Variants in TRAF7 observed in about 807,000 individuals in gnomAD.
TRAF7 encodes the protein E3 ubiquitin-protein ligase TRAF7.
In TRAF7, 45 loss-of-function variants were observed where a neutral mutation model predicts 89.3. The observed-to-expected ratio is 0.50, with a 90% confidence interval of 0.40 to 0.65. The LOEUF is 0.65. Ranked by LOEUF, TRAF7 falls within the 30% of genes least tolerant of loss-of-function variation. The pLI, the probability that TRAF7 is intolerant of heterozygous loss-of-function variation, is 0.00. For missense variants in TRAF7, 677 were observed against 918.1 expected (o/e 0.74, Z 3.39); for synonymous variants, 406 against 369.2 (o/e 1.10, Z -1.14).
At chr16:2,160,219 G>A (rs2093051995) in intron 1 of TRAF7, among the ~76,000 whole-genome samples, 1 of 152,062 alleles carries the variant, frequency 6.6e-6, no homozygotes, top group Non-Finnish European at 1.5e-5. Flanking sequence ...TCAGGGAGGG[G>A]CTGCCCTGCG....
chr16:2,173,713 G>A (rs887407867), intron 11 of TRAF7, 75 bp from the exon 12 acceptor site: 42 of 1,591,840 alleles, frequency 2.6e-5, no homozygotes, highest in African/African-American at 1.2e-4. Flanking sequence ...GCCCAGGGCA[G>A]CAGGGGCAGA....
At position 2,173,802 on chromosome 16, in the gene TRAF7, C is replaced by T; in HGVS notation, c.1101C>T (p.His367=). Residue 367 remains histidine, a synonymous_variant, in exon 12 of 21, where the codon CAC becomes CAT. Coordinates refer to ENST00000326181, the MANE Select transcript of TRAF7 (RefSeq NM_032271.3). ...DASMLNDELS[H]INARLNMGIL... Reference sequence around the variant, plus strand: ...TGGCCCTGCAGGACGAGCTGTCCCACATCAACGCGCGGCTGAACATGGGCA... The same window carrying T: ...TGGCCCTGCAGGACGAGCTGTCCCATATCAACGCGCGGCTGAACATGGGCA... The T allele has an allele frequency of 6.2e-7, 1 of 1,610,680 alleles. No individual in the cohort carries two copies. Among genetic ancestry groups the T allele is most frequent in the Non-Finnish European group, 8.5e-7 (1 of 1,179,830 alleles).
rs1266163210 is a variant in TRAF7 at position 2,176,582 on chromosome 16, C to T, written c.*8C>T. ...CAGGTTTGGACTTGCTAACAGGATC[C>T]AGGCCAGGCTGTGGTTTCCCCTGAA... On this transcript the variant is annotated 3_prime_UTR_variant, in exon 21 of 21. Coordinates refer to ENST00000326181, the MANE Select transcript of TRAF7 (RefSeq NM_032271.3). The T allele has an allele frequency of 8.7e-6, 14 of 1,613,338 alleles. No homozygotes were observed. Among genetic ancestry groups the T allele is most frequent in the South Asian group, 4.4e-5 (4 of 91,074 alleles).
chr16:2,166,108 T>A (rs989278931), intron 3 of TRAF7, among the ~76,000 whole-genome samples, 172 bp downstream of exon 3: 1 of 152,188 alleles, frequency 6.6e-6, no homozygotes, highest in Non-Finnish European at 1.5e-5. Context: ...GCCCTGGGCC[T>A]CCCCACTGGA....
chr16:2,158,039 G>A lies in TRAF7; in HGVS notation c.-39+2181G>A, dbSNP rs1366658778. 3.9e-5 allele frequency among the ~76,000 whole-genome samples: 6 copies of A among 152,184 alleles called. No individual in the cohort carries two copies. The highest frequency in any genetic ancestry group is 8.8e-5 in the Non-Finnish European group (6 of 68,026). The stretch of plus-strand genomic sequence containing the variant: ...AGGGCAGGTACACAGCTGTGAAGTG[G>A]TAGAAGTGGACTTTGAACCCAGCTC... On this transcript the variant is annotated intron_variant, in intron 1 of 20. Coordinates refer to ENST00000326181, the MANE Select transcript of TRAF7 (RefSeq NM_032271.3). The surrounding 1 kb of genome is among the most constrained non-coding windows in gnomAD (Gnocchi z 4.7).
At chr16:2,173,437 C>T in intron 10 of TRAF7, 38 bp downstream of exon 10, 1 of 1,612,426 alleles carries the variant, frequency 6.2e-7, no homozygotes, top group Non-Finnish European at 8.5e-7. Flanking sequence ...GGCCTGGCCA[C>T]TGCTCCGGGC....
At chr16:2,160,484 C>T (rs1377214822) in intron 1 of TRAF7, among the ~76,000 whole-genome samples, 11 of 108,520 alleles carry the variant, frequency 1.0e-4, no homozygotes, top group African/African-American at 3.2e-4. Flanking sequence ...GCGGTGTGGA[C>T]GGGCGGGAGG....
rs184099863 is a variant in TRAF7 at position 2,158,743 on chromosome 16, G to A, written c.-39+2885G>A. On this transcript the variant is annotated intron_variant, in intron 1 of 20. Coordinates refer to ENST00000326181, the MANE Select transcript of TRAF7 (RefSeq NM_032271.3). This position sits in a 1 kb window ranked among gnomAD's most constrained non-coding sequence, Gnocchi z 4.7. Reference sequence around the variant, plus strand: ...CACAGGAAGCAAATGAGAACACAGCGTGGGACTGGGAAGCGTGGGCTCGGC... The same window carrying A: ...CACAGGAAGCAAATGAGAACACAGCATGGGACTGGGAAGCGTGGGCTCGGC... 8.8e-4 allele frequency among the ~76,000 whole-genome samples: 133 copies of A among 150,582 alleles called. No individual in the cohort carries two copies. The highest frequency in any genetic ancestry group is 3.3e-4 in the Non-Finnish European group (22 of 67,642).
intron 4 of TRAF7, 108 bp from the exon 5 acceptor site, chr16:2,170,506 G>T (rs141884045): frequency 1.3e-6 from 1 of 764,602 alleles, no homozygotes. Flanking sequence ...GACCGGGGTG[G>T]CCCCAGGGGT....
chr16:2,174,731 C>T (rs928875956), intron 14 of TRAF7, among the ~76,000 whole-genome samples: 4 of 152,168 alleles, frequency 2.6e-5, no homozygotes, highest in South Asian at 2.1e-4. Flanking sequence ...CCAGGTGGCC[C>T]GCCTGCCTCC....
rs764553103 is a variant in TRAF7, at chr16:2,175,910, C to A, written c.1703C>A (p.Thr568Lys). ...SGGSVYSIAVTNHHIVCGTYE... is the reference protein window; with the variant it reads ...SGGSVYSIAVKNHHIVCGTYE... ...GGCAGCGTCTACTCCATTGCTGTGA[C>A]AAATCACCACATTGTCTGTGGCACC... Residue 568 changes from threonine (T) to lysine (K), a missense_variant, in exon 18 of 21, where the codon ACA becomes AAA. Around this residue, in one of 6 missense-constraint regions of TRAF7, gnomAD observed 160 missense variants for 263.7 expected, o/e 0.61. Transcript: ENST00000326181. The A allele has an allele frequency of 2.5e-6, 4 of 1,613,518 alleles. No homozygotes were observed. Among genetic ancestry groups the A allele is most frequent in the Non-Finnish European group, 2.5e-6 (3 of 1,179,982 alleles).
At position 2,162,118 on chromosome 16, in the gene TRAF7, C is replaced by T. The variant is rs982779414; in HGVS notation, c.-38-1765C>T. Reference sequence around the variant, plus strand: ...AAAGATCAGGTGGGGCCAGGTAGCTCGTGGCGCTGCCAACTGCAGGGGCTG... The same window carrying T: ...AAAGATCAGGTGGGGCCAGGTAGCTTGTGGCGCTGCCAACTGCAGGGGCTG... On this transcript the variant is annotated intron_variant, in intron 1 of 20. Transcript: ENST00000326181. The surrounding 1 kb of genome is among the most constrained non-coding windows in gnomAD (Gnocchi z 5.0). Among the ~76,000 whole-genome samples the T allele has an allele frequency of 1.3e-5, 2 of 152,242 alleles. No homozygotes were observed. Among genetic ancestry groups the T allele is most frequent in the Admixed American group, 6.5e-5 (1 of 15,284 alleles).
intron 14 of TRAF7, 140 bp from the exon 15 acceptor site, chr16:2,174,971 G>T: frequency 9.6e-7 from 1 of 1,046,398 alleles, no homozygotes; most frequent in Non-Finnish European, 1.5e-6. Context: ...ATAGGCTGAC[G>T]CTTAAGGACA....
Position 2,165,895 on chromosome 16 carries a change from C to A in TRAF7, c.98C>A (p.Thr33Asn). 1.2e-6 allele frequency: 2 copies of A among 1,614,122 alleles called. No homozygotes were observed. The highest frequency in any genetic ancestry group is 1.7e-6 in the Non-Finnish European group (2 of 1,179,962). ...DVTTGTRMET[T>N]FGPAFSAVTT... ...TCCCTCTAGACCAGAATGGAAACGACCTTCGGACCCGCCTTTTCAGCCGTC... is the reference window on the plus strand; with the variant it reads ...TCCCTCTAGACCAGAATGGAAACGAACTTCGGACCCGCCTTTTCAGCCGTC... Residue 33 changes from threonine to asparagine, a missense_variant, in exon 3 of 21, where the codon ACC becomes AAC. Transcript: ENST00000326181.
Position 2,177,309 on chromosome 16 carries a change from G to A in TRAF7, c.*735G>A, listed in dbSNP as rs544546595. The A allele has an allele frequency of 4.3e-4, 102 of 234,712 alleles. No homozygotes were observed. Among genetic ancestry groups the A allele is most frequent in the Non-Finnish European group, 7.8e-4 (93 of 118,868 alleles). 14.5% of individuals were successfully genotyped at this position (234,712 alleles called of 1,614,324 possible). On this transcript the variant is annotated 3_prime_UTR_variant, in exon 21 of 21. Coordinates refer to ENST00000326181, the MANE Select transcript of TRAF7 (RefSeq NM_032271.3). ...GGGGGACAGCTGGGCACGTCCACTC[G>A]CAGGGAAACACGGGGTGAGACAGCA...
In TRAF7 at chr16:2,177,096, G is replaced by A. The variant is rs1252940234; in HGVS notation, c.*522G>A. The A allele has an allele frequency of 3.6e-6, 1 of 276,980 alleles. No individual in the cohort carries two copies. The highest frequency in any genetic ancestry group is 2.1e-5 in the African/African-American group (1 of 47,040). The allele number at this position is 276,980 out of a possible 1,614,324, so 17.2% of individuals were successfully genotyped here. On this transcript the variant is annotated 3_prime_UTR_variant, in exon 21 of 21. Coordinates refer to ENST00000326181, the MANE Select transcript of TRAF7 (RefSeq NM_032271.3). ...ACTCCGGGGCCTCCCCTCCCTGCTA[G>A]GAGGCAACTCGTCACACCCAAGCTG...
chr16:2,163,591 G>C lies in TRAF7; in HGVS notation c.-38-292G>C. ...CAGAGGAGTAGAGGGAGCCAGGCAG[G>C]GGTCCCTCCACCTCGGGGAAGAGCT... On this transcript the variant is annotated intron_variant, in intron 1 of 20. Transcript: ENST00000326181. This position sits in a 1 kb window ranked among gnomAD's most constrained non-coding sequence, Gnocchi z 4.3. The C allele has an allele frequency of 2.6e-6, 1 of 381,282 alleles. No individual in the cohort carries two copies. The highest frequency in any genetic ancestry group is 5.0e-6 in the Non-Finnish European group (1 of 201,922). 23.6% of individuals were successfully genotyped at this position (381,282 alleles called of 1,614,324 possible).
In TRAF7 at chr16:2,158,558, C is replaced by T. The variant is rs1376342593; in HGVS notation, c.-39+2700C>T. Among the ~76,000 whole-genome samples the T allele has an allele frequency of 1.3e-5, 2 of 152,196 alleles. No homozygotes were observed. Among genetic ancestry groups the T allele is most frequent in the Non-Finnish European group, 2.9e-5 (2 of 68,028 alleles). On this transcript the variant is annotated intron_variant, in intron 1 of 20. Transcript: ENST00000326181. The surrounding 1 kb of genome is among the most constrained non-coding windows in gnomAD (Gnocchi z 4.7). ...CGGTGTGGGAAAGGAGGTGGCAGTG[C>T]GGTGGCACGCTGGCATGAGGGCGCT...
chr16:2,171,825 GA>G (rs1278706887), intron 7 of TRAF7, among the ~76,000 whole-genome samples: 1 of 152,226 alleles, frequency 6.6e-6, no homozygotes, highest in Non-Finnish European at 1.5e-5. Flanking sequence ...TCCAGACTCA[GA>G]GACCCCACAG....
Sources: allele counts gnomAD v4.1 joint callset (sites outside exome capture counted in the v4.1 genomes callset), GRCh38; gene constraint gnomAD v4.1.1; regional missense constraint gnomAD v4.1.1; non-coding constraint Gnocchi (gnomAD v3.1); transcripts MANE v1.5; gene names NCBI Gene and HGNC (gene_info 2026-07-23, HGNC 2026-07-21).